Variants in VCAN observed in about 807,000 individuals in gnomAD.
The protein encoded by VCAN is versican.
A neutral mutation model predicts 245.5 loss-of-function variants in VCAN; 44 were observed. That is an observed-to-expected ratio of 0.18 (90% CI 0.14 to 0.23). The LOEUF (loss-of-function observed/expected upper bound fraction) is 0.23. VCAN is among the 10% of genes least tolerant of loss of function. VCAN has a pLI of 1.00. For synonymous variants in VCAN, 1,413 were observed against 1,437.0 expected (o/e 0.98, Z 0.38); for missense variants, 3,793 against 4,057.9 (o/e 0.93, Z 1.77).
At position 83,537,748 on chromosome 5, in the gene VCAN, A is replaced by G. The variant is rs772545377; in HGVS notation, c.4745A>G (p.Tyr1582Cys). The G allele has an allele frequency of 5.5e-5, 88 of 1,613,902 alleles. No individual in the cohort carries two copies. Among genetic ancestry groups the G allele is most frequent in the Non-Finnish European group, 7.2e-5 (85 of 1,179,964 alleles). The change falls in exon 8 of 15, where the codon TAC (tyrosine) becomes TGC (cysteine). Residue 1582 changes from tyrosine to cysteine, a missense_variant. By Grantham distance (194) the Tyr-to-Cys change is radical. Coordinates refer to ENST00000265077, the MANE Select transcript of VCAN (RefSeq NM_004385.5). ...EEVEKSTSVT[Y>C]TPTIVPSSAS... ...GTAGAAAAAAGTACTTCTGTCACAT[A>G]CACTCCCACTATAGTTCCAAGTTCT...
At chr5:83,576,713 T>G (rs1748497530) in intron 13 of VCAN, among the ~76,000 whole-genome samples, 1 of 152,196 alleles carries the variant, frequency 6.6e-6, no homozygotes, top group Non-Finnish European at 1.5e-5. Flanking sequence ...CCTGTTGCTC[T>G]ACATCTTCTC....
intron 5 of VCAN, among the ~76,000 whole-genome samples, chr5:83,503,081 A>G (rs1343734217): frequency 2.0e-5 from 3 of 152,210 alleles, no homozygotes; most frequent in Non-Finnish European, 1.5e-5. Flanking sequence ...AGCCCTTAAA[A>G]GATTATATAG....
chr5:83,504,063 C>G (rs1745410141), intron 5 of VCAN, among the ~76,000 whole-genome samples: 1 of 152,136 alleles, frequency 6.6e-6, no homozygotes, highest in South Asian at 2.1e-4. Flanking sequence ...TCTAGGGAGT[C>G]TTGTAGCAGC....
intron 13 of VCAN, among the ~76,000 whole-genome samples, chr5:83,574,044 C>G (rs1283905846): frequency 6.6e-6 from 1 of 152,122 alleles, no homozygotes; most frequent in Non-Finnish European, 1.5e-5. Context: ...CCTGGGGGGC[C>G]TCTGGTGTGT....
intron 12 of VCAN, among the ~76,000 whole-genome samples, chr5:83,558,421 C>T (rs1747751542): frequency 6.6e-6 from 1 of 152,130 alleles, no homozygotes; most frequent in Non-Finnish European, 1.5e-5. Context: ...CACACCCTCT[C>T]TATCTCCATT....
At chr5:83,556,917 GT>G (rs1295411724) in intron 12 of VCAN, among the ~76,000 whole-genome samples, 1 of 152,030 alleles carries the variant, frequency 6.6e-6, no homozygotes, top group Admixed American at 6.6e-5. Context: ...AATACATTGG[GT>G]TTTAGGGTGC....
chr5:83,541,943 TTCTGCCACC>T lies in VCAN; in HGVS notation c.8942_8950del (p.Ser2981_Thr2983del). 6.2e-7 allele frequency: 1 copy of T among 1,614,108 alleles called. No homozygotes were observed. The highest frequency in any genetic ancestry group is 8.5e-7 in the Non-Finnish European group (1 of 1,179,994). On this transcript the variant is annotated inframe_deletion, in exon 8 of 15. Transcript: ENST00000265077. ...CACAGTGGCCACACTCTACTTCTGC[TTCTGCCACC>T]TATGGGGTCGAGGCAGGTGTGGTGC...
intron 12 of VCAN, among the ~76,000 whole-genome samples, chr5:83,563,889 C>T (rs1416647221): frequency 1.3e-5 from 2 of 152,156 alleles, no homozygotes; most frequent in Non-Finnish European, 2.9e-5. Context: ...ATGATCTGAC[C>T]TCTCCTAAGG....
chr5:83,511,085 G>T (rs542794517), intron 5 of VCAN, among the ~76,000 whole-genome samples: 1 of 151,444 alleles, frequency 6.6e-6, no homozygotes, highest in African/African-American at 2.4e-5. Flanking sequence ...CTGCACTGCA[G>T]CCTGGGCTAC....
intron 12 of VCAN, among the ~76,000 whole-genome samples, chr5:83,568,442 T>C (rs1297907182): frequency 6.6e-6 from 1 of 152,214 alleles, no homozygotes; most frequent in Non-Finnish European, 1.5e-5. Flanking sequence ...TTTTAAGTCA[T>C]TGCTGCAAGC....
chr5:83,567,431 G>A (rs981476358), intron 12 of VCAN, among the ~76,000 whole-genome samples: 25 of 152,154 alleles, frequency 1.6e-4, no homozygotes, highest in Non-Finnish European at 3.4e-4. Context: ...CTCCCGAGTA[G>A]CTGGGATTAC....
intron 11 of VCAN, among the ~76,000 whole-genome samples, chr5:83,554,312 G>A (rs560870283): frequency 5.9e-5 from 9 of 152,320 alleles, no homozygotes; most frequent in East Asian, 5.8e-4. Context: ...CTCATGAAGC[G>A]TTGTTTGATG....
At chr5:83,490,566 G>T in intron 3 of VCAN, 94 bp downstream of exon 3, 5 of 1,564,738 alleles carry the variant, frequency 3.2e-6, no homozygotes, top group Non-Finnish European at 4.3e-6. Context: ...GTTGTTTGGG[G>T]TTTGGATGAG....
chr5:83,579,383 C>T (rs1256585264), intron 13 of VCAN, among the ~76,000 whole-genome samples: 2 of 152,114 alleles, frequency 1.3e-5, no homozygotes, highest in East Asian at 3.9e-4. Context: ...CCTGCCTAAG[C>T]CTCCCGAGTA....
At chr5:83,550,955 A>G (rs1747440199) in intron 10 of VCAN, among the ~76,000 whole-genome samples, 2 of 149,330 alleles carry the variant, frequency 1.3e-5, no homozygotes, top group Non-Finnish European at 3.0e-5. Context: ...TTTTTACACA[A>G]AAACCACTCT....
At position 83,538,509 on chromosome 5, in the gene VCAN, G is replaced by A; in HGVS notation, c.5506G>A (p.Gly1836Ser). Residue 1836 changes from glycine to serine, a missense_variant, in exon 8 of 15, where the codon GGC becomes AGC. By Grantham distance (56) the Gly-to-Ser change is moderately conservative. This residue lies in a region of VCAN where 3,182 missense variants were observed against 3,250.3 expected (regional missense o/e 0.98). Transcript: ENST00000265077. ...RSPASVFMEQ[G>S]SGEAAADPET... ...TCCTGCCTCTGTCTTTATGGAGCAG[G>A]GCTCTGGAGAAGCTGCTGCCGACCC... The A allele has an allele frequency of 6.2e-7, 1 of 1,614,016 alleles. No homozygotes were observed. The highest frequency in any genetic ancestry group is 8.5e-7 in the Non-Finnish European group (1 of 1,179,946).
chr5:83,565,029 G>T (rs1465394407), intron 12 of VCAN, among the ~76,000 whole-genome samples: 1 of 152,158 alleles, frequency 6.6e-6, no homozygotes, highest in Non-Finnish European at 1.5e-5. Context: ...GAGAGAGAGA[G>T]TTGGAAAGTA....
intron 2 of VCAN, among the ~76,000 whole-genome samples, chr5:83,487,103 T>G (rs1053199997): frequency 1.3e-5 from 2 of 152,218 alleles, no homozygotes; most frequent in Admixed American, 1.3e-4. Context: ...TTATCTACCA[T>G]TGGCCTAGTT....
At chr5:83,535,561 ATAGAT>A (rs1244994855) in intron 7 of VCAN, 4 of 152,162 alleles carry the variant, frequency 2.6e-5, no homozygotes, top group African/African-American at 4.8e-5. Flanking sequence ...GATTCATAAA[ATAGAT>A]TAGAATATAA....
Sources: gnomAD v4.1 joint callset for allele counts (sites outside exome capture counted in the v4.1 genomes callset) on GRCh38, gnomAD v4.1.1 for gene constraint, gnomAD v4.1.1 regional missense constraint, MANE v1.5 for transcripts, NCBI Gene and HGNC (gene_info 2026-07-23, HGNC 2026-07-21) for gene names.